Variants in HTT observed in about 807,000 individuals in gnomAD.
HTT encodes the protein huntingtin, also known as huntington disease protein.
A neutral mutation model predicts 362.3 loss-of-function variants in HTT; 104 were observed. The ratio of observed to expected loss-of-function variants is 0.29; its 90% confidence interval spans 0.24 to 0.34. HTT has a LOEUF of 0.34. Among genes scored for constraint, HTT ranks in the 10% least tolerant of loss-of-function variants. The pLI is 1.00. For missense variants in HTT, 3,301 were observed against 3,928.6 expected (o/e 0.84, Z 4.27); for synonymous variants, 1,577 against 1,548.7 (o/e 1.02, Z -0.43).
intron 2 of HTT, among the ~76,000 whole-genome samples, chr4:3,096,656 G>A (rs537540559): frequency 6.6e-6 from 1 of 152,316 alleles, no homozygotes; most frequent in South Asian, 2.1e-4. Context: ...AAGTCTTTTG[G>A]ATTGACTGAT....
intron 51 of HTT, among the ~76,000 whole-genome samples, chr4:3,215,442 A>C (rs1720352997): frequency 6.6e-6 from 1 of 152,060 alleles, no homozygotes; most frequent in African/African-American, 2.4e-5. Flanking sequence ...CTGACCCTAC[A>C]GACCAGCTGG....
At chr4:3,188,711 T>G (rs1718881623) in intron 39 of HTT, 1 of 450,532 alleles carries the variant, frequency 2.2e-6, no homozygotes, top group Non-Finnish European at 4.0e-6. Flanking sequence ...TGTAATGGTG[T>G]ACAGTTCACA....
At chr4:3,094,971 C>T (rs544917030) in intron 2 of HTT, among the ~76,000 whole-genome samples, 3 of 152,034 alleles carry the variant, frequency 2.0e-5, no homozygotes, top group Non-Finnish European at 2.9e-5. Context: ...AGACGATGGG[C>T]GGCCGGGCAG....
intron 4 of HTT, among the ~76,000 whole-genome samples, chr4:3,105,079 A>G (rs531202802): frequency 3.9e-5 from 6 of 152,156 alleles, no homozygotes; most frequent in Non-Finnish European, 8.8e-5. Flanking sequence ...GTAATTCACA[A>G]TGTTAGAAGG....
At chr4:3,088,558 C>T (rs1047998235) in intron 2 of HTT, among the ~76,000 whole-genome samples, 2 of 152,258 alleles carry the variant, frequency 1.3e-5, no homozygotes, top group African/African-American at 2.4e-5. Flanking sequence ...TATATATATT[C>T]GTAATGTTGT....
At chr4:3,200,281 C>A (rs1719467147) in intron 41 of HTT, among the ~76,000 whole-genome samples, 1 of 152,174 alleles carries the variant, frequency 6.6e-6, no homozygotes, top group Non-Finnish European at 1.5e-5. Context: ...AGACATGTTG[C>A]AATGTCTTAA....
At chr4:3,089,455 G>A (rs889883066) in intron 2 of HTT, among the ~76,000 whole-genome samples, 7 of 152,164 alleles carry the variant, frequency 4.6e-5, no homozygotes, top group Non-Finnish European at 7.4e-5. Context: ...GGGTTTCACC[G>A]TGTTAGCCAG....
At chr4:3,164,579 A>G (rs1717605826) in intron 29 of HTT, among the ~76,000 whole-genome samples, 1 of 152,160 alleles carries the variant, frequency 6.6e-6, no homozygotes, top group African/African-American at 2.4e-5. Flanking sequence ...GTCTCTAAGA[A>G]CTTGCTTCAT....
chr4:3,095,253 G>A (rs1713790302), intron 2 of HTT, among the ~76,000 whole-genome samples: 1 of 152,256 alleles, frequency 6.6e-6, no homozygotes, highest in Non-Finnish European at 1.5e-5. Flanking sequence ...CACTGAGTGA[G>A]CGAGACTCCG....
chr4:3,214,104 C>G lies in HTT; in HGVS notation c.6921C>G (p.Leu2307=). 2 of 1,582,508 alleles carry G rather than the reference C, an allele frequency of 1.3e-6. No individual in the cohort carries two copies. Among genetic ancestry groups the G allele is most frequent in the Middle Eastern group, 1.7e-4 (1 of 5,966 alleles). ...AGTTTGTGACCCACGCCTGCTCCCTCATCTACTGTGTGCACTTCATCCTGG... is the reference window on the plus strand; with the variant it reads ...AGTTTGTGACCCACGCCTGCTCCCTGATCTACTGTGTGCACTTCATCCTGG... ...STEFVTHACS[L]IYCVHFILEA... Residue 2307 remains leucine (L), a synonymous_variant, in exon 50 of 67, where the codon CTC becomes CTG. Coordinates refer to ENST00000355072, the MANE Select transcript of HTT (RefSeq NM_001388492.1).
At chr4:3,117,781 C>T (rs1715103378) in intron 8 of HTT, among the ~76,000 whole-genome samples, 1 of 152,106 alleles carries the variant, frequency 6.6e-6, no homozygotes, top group African/African-American at 2.4e-5. Flanking sequence ...TGCAGTGATC[C>T]ATGATTGTAC....
chr4:3,232,399 G>A (rs1340963594), intron 60 of HTT, among the ~76,000 whole-genome samples: 1 of 152,248 alleles, frequency 6.6e-6, no homozygotes, highest in African/African-American at 2.4e-5. Flanking sequence ...CTGAAGGAGG[G>A]TGACATTCCT....
At chr4:3,104,943 C>T (rs921765671) in intron 4 of HTT, among the ~76,000 whole-genome samples, 11 of 152,132 alleles carry the variant, frequency 7.2e-5, no homozygotes, top group African/African-American at 1.4e-4. Flanking sequence ...CCACTATTAT[C>T]GACTATATAT....
chr4:3,150,833 G>A (rs986762096), intron 26 of HTT, among the ~76,000 whole-genome samples: 4 of 152,126 alleles, frequency 2.6e-5, no homozygotes, highest in African/African-American at 9.7e-5. Context: ...TCAGGAGATC[G>A]AGACCATTCC....
rs751396889 is a variant in HTT, at chr4:3,080,241, TATACCA to T, written c.263+5154_263+5159del. On this transcript the variant is annotated intron_variant, in intron 1 of 66. Coordinates refer to ENST00000355072, the MANE Select transcript of HTT (RefSeq NM_001388492.1). ...TCCCAAGTAACTGGGATTACAGGCG[TATACCA>T]CCATGCCCAGCTAATTTTTGTGTTT... Among the ~76,000 whole-genome samples, 112 of 152,180 alleles carry T rather than the reference TATACCA, an allele frequency of 7.4e-4. 1 individual carries two copies. Among genetic ancestry groups the T allele is most frequent in the African/African-American group, 2.5e-3 (102 of 41,546 alleles).
rs1718179996 is a variant in HTT at position 3,175,122 on chromosome 4, T to G, written c.4407+15T>G. 4 of 1,605,434 alleles carry G rather than the reference T, an allele frequency of 2.5e-6. No individual in the cohort carries two copies. Among genetic ancestry groups the G allele is most frequent in the South Asian group, 1.1e-5 (1 of 89,440 alleles). On this transcript the variant is annotated intron_variant, in intron 33 of 66. Coordinates refer to ENST00000355072, the MANE Select transcript of HTT (RefSeq NM_001388492.1). ...ATTCAGATCAGGTTTGTCACTTTTATCTTTCATCCATCATACCTGTTCCTA... is the reference window on the plus strand; with the variant it reads ...ATTCAGATCAGGTTTGTCACTTTTAGCTTTCATCCATCATACCTGTTCCTA...
At chr4:3,195,233 G>A (rs1032927774) in intron 40 of HTT, among the ~76,000 whole-genome samples, 7 of 152,094 alleles carry the variant, frequency 4.6e-5, no homozygotes, top group African/African-American at 1.4e-4. Context: ...AGGAGCTCTC[G>A]ATGGTGGAAT....
intron 5 of HTT, among the ~76,000 whole-genome samples, chr4:3,106,854 C>T (rs1714457325): frequency 6.6e-6 from 1 of 152,208 alleles, no homozygotes; most frequent in Admixed American, 6.5e-5. Flanking sequence ...TGGGTGAATT[C>T]CTGTGATCTG....
At chr4:3,144,567 C>T (rs761810812) in intron 23 of HTT, among the ~76,000 whole-genome samples, 9 of 152,178 alleles carry the variant, frequency 5.9e-5, no homozygotes, top group Admixed American at 2.0e-4. Context: ...CCACCCACCT[C>T]GGCCTCCCAA....
Sources: allele counts gnomAD v4.1 joint callset (sites outside exome capture counted in the v4.1 genomes callset), GRCh38; gene constraint gnomAD v4.1.1; transcripts MANE v1.5; gene names NCBI Gene and HGNC (gene_info 2026-07-23, HGNC 2026-07-21).